Variants in SND1 observed in about 807,000 individuals in gnomAD.
SND1 encodes the protein staphylococcal nuclease and tudor domain containing 1.
SND1 carries 38 observed loss-of-function variants against 121.7 expected under a neutral mutation model. The ratio of observed to expected loss-of-function variants is 0.31; its 90% CI spans 0.24 to 0.41. The LOEUF (loss-of-function observed/expected upper bound fraction) is 0.41. SND1 is among the 10% of genes least tolerant of loss of function. SND1 has a pLI of 1.00. For synonymous variants in SND1, 401 were observed against 447.4 expected (o/e 0.90, Z 1.31); for missense variants, 868 against 1,184.6 (o/e 0.73, Z 3.92).
At chr7:127,747,840 G>A (rs1797008768) in intron 10 of SND1, among the ~76,000 whole-genome samples, 1 of 152,114 alleles carries the variant, frequency 6.6e-6, no homozygotes, top group South Asian at 2.1e-4. Context: ...TCCCTCCTTT[G>A]CTTTTTATTT....
At chr7:127,810,082 C>A (rs999088256) in intron 11 of SND1, among the ~76,000 whole-genome samples, 1 of 152,168 alleles carries the variant, frequency 6.6e-6, no homozygotes, top group Non-Finnish European at 1.5e-5. Flanking sequence ...TAGAATCTTT[C>A]ATAGCCCTAC....
intron 11 of SND1, among the ~76,000 whole-genome samples, chr7:127,843,568 G>A (rs902990913): frequency 6.6e-6 from 1 of 152,070 alleles, no homozygotes; most frequent in African/African-American, 2.4e-5. Flanking sequence ...TTCATGGCTT[G>A]ATAGCTCATT....
At chr7:128,083,903 A>T (rs568693311) in intron 18 of SND1, among the ~76,000 whole-genome samples, 1 of 152,300 alleles carries the variant, frequency 6.6e-6, no homozygotes, top group South Asian at 2.1e-4. Flanking sequence ...AGAGAAACTG[A>T]GTAGGCCCTG....
chr7:127,737,932 C>G (rs1054795777), intron 10 of SND1, among the ~76,000 whole-genome samples: 1 of 152,188 alleles, frequency 6.6e-6, no homozygotes, highest in Non-Finnish European at 1.5e-5. Context: ...AGTGTACTGT[C>G]TGTGTTCCAT....
chr7:127,863,096 C>G (rs1799409080), intron 12 of SND1, among the ~76,000 whole-genome samples: 1 of 152,208 alleles, frequency 6.6e-6, no homozygotes, highest in African/African-American at 2.4e-5. Context: ...AGTGACATAA[C>G]TAGGCCAATG....
chr7:128,043,204 C>G (rs1792886245), intron 16 of SND1, among the ~76,000 whole-genome samples: 3 of 152,050 alleles, frequency 2.0e-5, no homozygotes, highest in African/African-American at 7.2e-5. Context: ...GGTCTCTCTC[C>G]CCTCTCATAT....
At chr7:128,023,084 C>G (rs902905424) in intron 16 of SND1, among the ~76,000 whole-genome samples, 1 of 152,214 alleles carries the variant, frequency 6.6e-6, no homozygotes, top group Non-Finnish European at 1.5e-5. Context: ...CAGCCAGCCT[C>G]TTGCTTGCTA....
chr7:127,880,385 G>A (rs1200284077), intron 12 of SND1, among the ~76,000 whole-genome samples: 1 of 152,048 alleles, frequency 6.6e-6, no homozygotes, highest in Non-Finnish European at 1.5e-5. Context: ...ATTTACTGGG[G>A]GTCTTGGAGC....
intron 15 of SND1, among the ~76,000 whole-genome samples, chr7:127,956,251 C>T (rs1393660819): frequency 1.3e-5 from 2 of 152,162 alleles, no homozygotes; most frequent in Non-Finnish European, 2.9e-5. Context: ...TGCGAAGTCT[C>T]TGCTCCCGCC....
chr7:127,863,513 G>A (rs1799415747), intron 12 of SND1, among the ~76,000 whole-genome samples: 1 of 152,296 alleles, frequency 6.6e-6, no homozygotes, highest in African/African-American at 2.4e-5. Flanking sequence ...TCATATTACA[G>A]TGTGCTGCCT....
chr7:127,928,071 G>A (rs1358036743), intron 14 of SND1: 1 of 152,214 alleles, frequency 6.6e-6, no homozygotes, highest in Admixed American at 6.5e-5. Flanking sequence ...TTGAGAGACT[G>A]AAAGGATTTG....
At chr7:128,025,508 G>A (rs764524050) in intron 16 of SND1, among the ~76,000 whole-genome samples, 1 of 152,104 alleles carries the variant, frequency 6.6e-6, no homozygotes, top group African/African-American at 2.4e-5. Flanking sequence ...TACATCCAAC[G>A]TGTTGCTATA....
At chr7:128,043,859 CA>C (rs1792899820) in intron 16 of SND1, among the ~76,000 whole-genome samples, 1 of 50,342 alleles carries the variant, frequency 2.0e-5, no homozygotes, top group African/African-American at 1.1e-4. Flanking sequence ...TATATATACA[CA>C]TATACACACA....
At chr7:128,051,169 C>G (rs973088512) in intron 16 of SND1, among the ~76,000 whole-genome samples, 1 of 152,230 alleles carries the variant, frequency 6.6e-6, no homozygotes, top group East Asian at 1.9e-4. Flanking sequence ...GTCACCAAAT[C>G]CTTCCCATGG....
intron 10 of SND1, among the ~76,000 whole-genome samples, chr7:127,724,077 G>A (rs1796542574): frequency 6.6e-6 from 1 of 152,212 alleles, no homozygotes; most frequent in Non-Finnish European, 1.5e-5. Context: ...GGTAGTCATT[G>A]TTGGTACATA....
intron 12 of SND1, among the ~76,000 whole-genome samples, chr7:127,886,440 G>A (rs1799910836): frequency 6.6e-6 from 1 of 152,026 alleles, no homozygotes; most frequent in Non-Finnish European, 1.5e-5. Context: ...TGGTGTGTTA[G>A]GAGTTAACCA....
At position 127,686,726 on chromosome 7, in the gene SND1, C is replaced by G; in HGVS notation, c.192C>G (p.Ala64=). Residue 64 remains alanine, a synonymous_variant, in exon 2 of 24, where the codon GCC becomes GCG. Transcript: ENST00000354725. ...IRAGNLARRA[A]ATQPDAKDTP... The stretch of plus-strand genomic sequence containing the variant: ...CTGGAAATCTTGCTCGCCGGGCAGC[C>G]GCCACACAACCTGATGCAAAGGATA... The G allele has an allele frequency of 6.2e-7, 1 of 1,614,140 alleles. No homozygotes were observed. The highest frequency in any genetic ancestry group is 8.5e-7 in the Non-Finnish European group (1 of 1,180,000).
At chr7:127,719,677 G>A (rs1310273150) in intron 9 of SND1, among the ~76,000 whole-genome samples, 1 of 152,092 alleles carries the variant, frequency 6.6e-6, no homozygotes, top group African/African-American at 2.4e-5. Context: ...AAGTATAGTA[G>A]AAAATTAAAA....
intron 12 of SND1, among the ~76,000 whole-genome samples, chr7:127,849,357 T>G (rs1463509351): frequency 6.6e-6 from 1 of 152,232 alleles, no homozygotes; most frequent in African/African-American, 2.4e-5. Context: ...GAGCTCCAAT[T>G]TGGCAAACCC....
Sources: gnomAD v4.1 joint callset for allele counts (sites outside exome capture counted in the v4.1 genomes callset) on GRCh38, gnomAD v4.1.1 for gene constraint, MANE v1.5 for transcripts, NCBI Gene and HGNC (gene_info 2026-07-23, HGNC 2026-07-21) for gene names.